ATL3: variants seen among roughly 807,000 people sequenced by gnomAD.
The protein encoded by ATL3 is atlastin GTPase 3.
Under a neutral mutation model 69.5 loss-of-function variants are expected in ATL3, and 49 were observed. The observed-to-expected ratio is 0.71, with a 90% CI of 0.56 to 0.89. The LOEUF is 0.89. ATL3 is among the 40% of genes least tolerant of loss of function. The probability of loss-of-function intolerance (pLI) is 0.00; values close to 1 mark genes in which losing one functional copy is unlikely to be tolerated. For missense variants in ATL3, 606 were observed against 645.7 expected (o/e 0.94, Z 0.67); for synonymous variants, 214 against 224.1 (o/e 0.95, Z 0.40).
intron 10 of ATL3, among the ~76,000 whole-genome samples, chr11:63,635,212 ATGACAAGAACTTGC>A (rs1468651536): frequency 1.3e-5 from 2 of 152,232 alleles, no homozygotes; most frequent in East Asian, 3.9e-4. Flanking sequence ...TAAACAACAG[ATGACAAGAACTTGC>A]TTGTCTAACA....
rs1401276128 is a variant in ATL3, at chr11:63,659,167, T to C, written c.132A>G (p.Lys44=). The C allele has an allele frequency of 1.2e-6, 2 of 1,614,118 alleles. No homozygotes were observed. The highest frequency in any genetic ancestry group is 1.6e-4 in the Middle Eastern group (1 of 6,062). The change falls in exon 2 of 13, where the codon AAA becomes AAG. Residue 44 remains lysine (K), a synonymous_variant. Coordinates refer to ENST00000398868, the MANE Select transcript of ATL3 (RefSeq NM_015459.5). ...KDQHSFELDE[K]ALASILLQDH... is the part of the protein sequence containing the mutation. ...CCTGCAAGAGGATGCTGGCCAAGGCTTTCTCATCTAGCTCAAAGGAATGTT... is the reference window on the plus strand; with the variant it reads ...CCTGCAAGAGGATGCTGGCCAAGGCCTTCTCATCTAGCTCAAAGGAATGTT...
rs1308052350 is a variant in ATL3 at position 63,627,412 on chromosome 11, A to T, written c.*1907T>A. 6.6e-6 allele frequency: 1 copy of T among 152,234 alleles called. No individual in the cohort carries two copies. Among genetic ancestry groups the T allele is most frequent in the South Asian group, 2.1e-4 (1 of 4,834 alleles). 9.4% of individuals were successfully genotyped at this position (152,234 alleles called of 1,614,324 possible). A position where few individuals can be genotyped will look rare whatever the true frequency, so the allele number is the denominator to read the frequency against. Reference sequence around the variant, plus strand: ...ACTATTTGCAAGATGGCATATAAATATGAAACAATATGCTGCGAATTTAGG... The same window carrying T: ...ACTATTTGCAAGATGGCATATAAATTTGAAACAATATGCTGCGAATTTAGG... On this transcript the variant is annotated 3_prime_UTR_variant, in exon 13 of 13. Coordinates refer to ENST00000398868, the MANE Select transcript of ATL3 (RefSeq NM_015459.5).
In ATL3 at chr11:63,631,173, A is replaced by G; in HGVS notation, c.1406T>C (p.Val469Ala). 1 of 1,614,220 alleles carries G rather than the reference A, an allele frequency of 6.2e-7. No homozygotes were observed. Among genetic ancestry groups the G allele is most frequent in the Non-Finnish European group, 8.5e-7 (1 of 1,180,034 alleles). The change falls in exon 12 of 13, where the codon GTA (valine) becomes GCA (alanine). Residue 469 changes from valine to alanine, a missense_variant. Val to Ala is a moderately conservative substitution (Grantham distance 64). Transcript: ENST00000398868. ...GLTGFIGLEV[V>A]AQLFNCMVGL... Reference sequence around the variant, plus strand: ...AACCATACAGTTGAACAACTGGGCTACAACCTCAAGACCTATGAAGCCAGT... The same window carrying G: ...AACCATACAGTTGAACAACTGGGCTGCAACCTCAAGACCTATGAAGCCAGT...
chr11:63,629,362 T>TC lies in ATL3; in HGVS notation c.1582dup (p.Asp528GlyfsTer11), dbSNP rs774106436. ...CATGGATGGTCTTCCAACAACTGCATCCCTCACAGTGGCCTGAGTGGAATT... is the reference window on the plus strand; with the variant it reads ...CATGGATGGTCTTCCAACAACTGCATCCCCTCACAGTGGCCTGAGTGGAATT... On this transcript the variant is annotated frameshift_variant, in exon 13 of 13. Transcript: ENST00000398868. LOFTEE classifies it high-confidence loss of function. 6.8e-6 allele frequency: 11 copies of TC among 1,614,146 alleles called. No homozygotes were observed. The highest frequency in any genetic ancestry group is 9.3e-6 in the Non-Finnish European group (11 of 1,180,030).
In ATL3 at chr11:63,624,535, GTCT is replaced by G. The variant is rs1250079500; in HGVS notation, c.*4781_*4783del. 6.6e-6 allele frequency: 1 copy of G among 152,160 alleles called. No individual in the cohort carries two copies. Among genetic ancestry groups the G allele is most frequent in the Non-Finnish European group, 1.5e-5 (1 of 68,014 alleles). 9.4% of individuals were successfully genotyped at this position (152,160 alleles called of 1,614,324 possible). On this transcript the variant is annotated 3_prime_UTR_variant, in exon 13 of 13. Transcript: ENST00000398868. ...CACTAATGACAGGAATTAGGATCTT[GTCT>G]TCTTTCTTGTTCATTATTTTTATTT...
At chr11:63,657,531 A>G (rs773094975) in intron 3 of ATL3, among the ~76,000 whole-genome samples, 13 of 152,356 alleles carry the variant, frequency 8.5e-5, no homozygotes, top group Non-Finnish European at 1.6e-4. Context: ...AGTAAAGAAC[A>G]GAAGTGGTAA....
chr11:63,659,411 G>C (rs1940357524), intron 1 of ATL3, among the ~76,000 whole-genome samples, 159 bp from the exon 2 acceptor site: 1 of 152,156 alleles, frequency 6.6e-6, no homozygotes, highest in Non-Finnish European at 1.5e-5. Flanking sequence ...AAGATTACTT[G>C]AGGCCAGGAG....
intron 8 of ATL3, among the ~76,000 whole-genome samples, chr11:63,637,213 T>A (rs997329243): frequency 6.6e-6 from 1 of 150,882 alleles, no homozygotes; most frequent in African/African-American, 2.4e-5. Flanking sequence ...AAGGCAGAGG[T>A]TGCAGTGAGC....
At chr11:63,657,135 G>C (rs1940278298) in intron 3 of ATL3, among the ~76,000 whole-genome samples, 1 of 151,420 alleles carries the variant, frequency 6.6e-6, no homozygotes, top group African/African-American at 2.4e-5. Context: ...GCTTGAACCT[G>C]GGAGGCGGAG....
intron 6 of ATL3, among the ~76,000 whole-genome samples, chr11:63,644,989 G>A (rs1939821248): frequency 1.3e-5 from 2 of 152,144 alleles, no homozygotes; most frequent in South Asian, 4.2e-4. Flanking sequence ...GCTGAGGCAG[G>A]AGAATCACTT....
In ATL3 at chr11:63,631,403, T is replaced by C. The variant is rs764932981; in HGVS notation, c.1176A>G (p.Gln392=). ...TCTTCTTAAAATGGTCCAGAGCAAGTTGTTTGAATTCACAGTGCTTCTCCT... is the reference window on the plus strand; with the variant it reads ...TCTTCTTAAAATGGTCCAGAGCAAGCTGTTTGAATTCACAGTGCTTCTCCT... ...ILEEKHCEFK[Q]LALDHFKKTK... Residue 392 remains glutamine, a synonymous_variant, in exon 12 of 13, where the codon CAA becomes CAG. Coordinates refer to ENST00000398868, the MANE Select transcript of ATL3 (RefSeq NM_015459.5). 3 of 1,614,204 alleles carry C rather than the reference T, an allele frequency of 1.9e-6. No individual in the cohort carries two copies. The highest frequency in any genetic ancestry group is 2.5e-6 in the Non-Finnish European group (3 of 1,180,042).
chr11:63,644,377 T>C (rs1939799392), intron 6 of ATL3, 116 bp from the exon 7 acceptor site: 1 of 581,470 alleles, frequency 1.7e-6, no homozygotes, highest in African/African-American at 2.0e-5. Flanking sequence ...AGTAGAAGGA[T>C]TTACCTTTTT....
Position 63,633,536 on chromosome 11 carries a change from G to A in ATL3, c.1036-439C>T, listed in dbSNP as rs964029971. The stretch of plus-strand genomic sequence containing the variant: ...TCCTCCTGCCAGTGCGTGCCACCAC[G>A]CTTGGCTAACTTTTTAAGTTTTTGT... On this transcript the variant is annotated intron_variant, in intron 10 of 12. Coordinates refer to ENST00000398868, the MANE Select transcript of ATL3 (RefSeq NM_015459.5). Among the ~76,000 whole-genome samples, 6 of 151,802 alleles carry A rather than the reference G, an allele frequency of 4.0e-5. No homozygotes were observed. The East Asian group carries it at 5.9e-4, about 15-fold the overall frequency.
intron 1 of ATL3, among the ~76,000 whole-genome samples, chr11:63,666,206 T>C (rs1940568312): frequency 6.6e-6 from 1 of 152,092 alleles, no homozygotes; most frequent in Admixed American, 6.6e-5. Flanking sequence ...CCACGCCTAA[T>C]TTTTGTATTT....
At position 63,624,359 on chromosome 11, in the gene ATL3, A is replaced by G. The variant is rs926547785; in HGVS notation, c.*4960T>C. 1 of 152,208 alleles carries G rather than the reference A, an allele frequency of 6.6e-6. No individual in the cohort carries two copies. Among genetic ancestry groups the G allele is most frequent in the African/African-American group, 2.4e-5 (1 of 41,456 alleles). 9.4% of individuals were successfully genotyped at this position (152,208 alleles called of 1,614,324 possible). A position where few individuals can be genotyped will look rare whatever the true frequency, so the allele number is the denominator to read the frequency against. On this transcript the variant is annotated 3_prime_UTR_variant, in exon 13 of 13. Coordinates refer to ENST00000398868, the MANE Select transcript of ATL3 (RefSeq NM_015459.5). ...CATGACAGCATGTATCTAATTAGAA[A>G]GCTATGGGAATCAATGCTACCTTCC...
chr11:63,635,852 G>T (rs1276121721), intron 9 of ATL3, among the ~76,000 whole-genome samples: 1 of 148,248 alleles, frequency 6.7e-6, no homozygotes, highest in Non-Finnish European at 1.5e-5. Flanking sequence ...ACTACCTGTG[G>T]GCAGAGTGAC....
At chr11:63,645,722 G>A (rs565448938) in intron 6 of ATL3, among the ~76,000 whole-genome samples, 29 of 152,018 alleles carry the variant, frequency 1.9e-4, no homozygotes, top group African/African-American at 6.8e-4. Context: ...CCACCGAGTA[G>A]CTGGGACTAC....
chr11:63,657,705 T>G (rs1196120001), intron 3 of ATL3, among the ~76,000 whole-genome samples: 1 of 152,250 alleles, frequency 6.6e-6, no homozygotes, highest in Non-Finnish European at 1.5e-5. Flanking sequence ...TGTATTAATT[T>G]TAAATCATTC....
intron 3 of ATL3, among the ~76,000 whole-genome samples, chr11:63,655,717 A>G (rs1350842674): frequency 6.6e-6 from 1 of 151,878 alleles, no homozygotes; most frequent in Non-Finnish European, 1.5e-5. Context: ...AAAGTGTGAG[A>G]TTACAGACGT....
Sources: allele counts gnomAD v4.1 joint callset (sites outside exome capture counted in the v4.1 genomes callset), GRCh38; gene constraint gnomAD v4.1.1; transcripts MANE v1.5; gene names NCBI Gene and HGNC (gene_info 2026-07-23, HGNC 2026-07-21).